Variants in JPH1 observed in about 807,000 individuals in gnomAD.
JPH1 encodes the protein junctophilin-1.
Under a neutral mutation model 53.6 loss-of-function variants are expected in JPH1, and 12 were observed. That is an observed-to-expected ratio of 0.22 (90% CI 0.14 to 0.36). JPH1 has a LOEUF of 0.36. Among genes scored for constraint, JPH1 ranks in the 10% least tolerant of loss-of-function variants. JPH1 has a pLI of 1.00. For missense variants in JPH1, 808 were observed against 905.5 expected, an observed-to-expected ratio of 0.89 and a Z score of 1.38; for synonymous variants, 375 against 363.8, an observed-to-expected ratio of 1.03 and a Z score of -0.35.
intron 2 of JPH1, 128 bp from the exon 3 acceptor site, chr8:74,259,631 AT>A: frequency 1.6e-6 from 1 of 635,488 alleles, no homozygotes; most frequent in Non-Finnish European, 2.6e-6. Flanking sequence ...AAGAGCAAAA[AT>A]TTTAGAGTCC....
chr8:74,300,095 G>A (rs191312661), intron 2 of JPH1, among the ~76,000 whole-genome samples: 1 of 152,250 alleles, frequency 6.6e-6, no homozygotes, highest in Non-Finnish European at 1.5e-5. Flanking sequence ...CGAAGAGTTA[G>A]AATAATTTTT....
chr8:74,263,056 G>A (rs1425141510), intron 2 of JPH1, among the ~76,000 whole-genome samples: 1 of 152,068 alleles, frequency 6.6e-6, no homozygotes, highest in Admixed American at 6.6e-5. Flanking sequence ...AACATATAAG[G>A]CTTTAACAAA....
chr8:74,311,445 T>C (rs1167710591), intron 2 of JPH1, among the ~76,000 whole-genome samples: 1 of 152,206 alleles, frequency 6.6e-6, no homozygotes, highest in Non-Finnish European at 1.5e-5. Flanking sequence ...ATGACAATAA[T>C]GTAGCTAAAA....
In JPH1 at chr8:74,235,486, A is replaced by G. The variant is rs1452788568; in HGVS notation, c.*1565T>C. The stretch of plus-strand genomic sequence containing the variant: ...ACTGTCTCTTCTCCATTGAAAAGGT[A>G]GCTAATATGGTGTAAAAAAAAAAAA... On this transcript the variant is annotated 3_prime_UTR_variant, in exon 6 of 6. Coordinates refer to ENST00000342232, the MANE Select transcript of JPH1 (RefSeq NM_020647.4). 1 of 124,214 alleles carries G rather than the reference A, an allele frequency of 8.1e-6. No homozygotes were observed. The highest frequency in any genetic ancestry group is 1.7e-5 in the Non-Finnish European group (1 of 60,246). 7.7% of individuals were successfully genotyped at this position (124,214 alleles called of 1,614,324 possible).
chr8:74,302,976 A>C (rs988249782), intron 2 of JPH1, among the ~76,000 whole-genome samples: 10 of 140,264 alleles, frequency 7.1e-5, no homozygotes, highest in African/African-American at 2.6e-4. Context: ...AAAAAAAAAA[A>C]CAGTCCAACA....
At chr8:74,258,806 A>G (rs931905202) in intron 3 of JPH1, among the ~76,000 whole-genome samples, 9 of 152,180 alleles carry the variant, frequency 5.9e-5, no homozygotes, top group South Asian at 2.1e-4. Context: ...ATCAGCTCAA[A>G]CTTTGTTGGT....
intron 4 of JPH1, among the ~76,000 whole-genome samples, chr8:74,242,973 T>G (rs1453957904): frequency 6.6e-6 from 1 of 152,226 alleles, no homozygotes. Flanking sequence ...ATTCAACTTT[T>G]TTTTCCCCCT....
intron 4 of JPH1, among the ~76,000 whole-genome samples, chr8:74,239,668 T>C (rs886171129): frequency 2.6e-5 from 4 of 152,190 alleles, no homozygotes; most frequent in African/African-American, 9.7e-5. Context: ...TAAGCATCCC[T>C]TATCTGAAAC....
At chr8:74,259,592 G>A (rs1806334856) in intron 2 of JPH1, 89 bp from the exon 3 acceptor site, 1 of 987,856 alleles carries the variant, frequency 1.0e-6, no homozygotes, top group Non-Finnish European at 1.4e-6. Flanking sequence ...GAAAAGAAAT[G>A]TTAATTATGA....
At chr8:74,287,419 CAA>C (rs5892447) in intron 2 of JPH1, among the ~76,000 whole-genome samples, 1 of 122,328 alleles carries the variant, frequency 8.2e-6, no homozygotes. Context: ...GACTCTGTCT[CAA>C]AAAAAAAAAA....
intron 3 of JPH1, among the ~76,000 whole-genome samples, chr8:74,255,732 G>A (rs963918308): frequency 6.6e-6 from 1 of 152,102 alleles, no homozygotes; most frequent in African/African-American, 2.4e-5. Context: ...GTGGGTGAAG[G>A]ATATGAACAG....
At chr8:74,270,592 G>A (rs1443887769) in intron 2 of JPH1, among the ~76,000 whole-genome samples, 1 of 152,182 alleles carries the variant, frequency 6.6e-6, no homozygotes, top group Non-Finnish European at 1.5e-5. Flanking sequence ...AGTCAGTTTT[G>A]AAGATGAATG....
chr8:74,245,294 C>T, intron 3 of JPH1, 119 bp from the exon 4 acceptor site: 1 of 829,742 alleles, frequency 1.2e-6, no homozygotes, highest in Non-Finnish European at 1.7e-6. Flanking sequence ...TTTGACTAAA[C>T]ACATATTTCA....
intron 4 of JPH1, among the ~76,000 whole-genome samples, chr8:74,237,590 C>T (rs1807038180): frequency 6.6e-6 from 1 of 152,218 alleles, no homozygotes; most frequent in African/African-American, 2.4e-5. Flanking sequence ...ACAGCGTGTG[C>T]TGAGACACAG....
intron 3 of JPH1, among the ~76,000 whole-genome samples, chr8:74,256,232 G>A (rs1806224345): frequency 6.6e-6 from 1 of 152,134 alleles, no homozygotes; most frequent in African/African-American, 2.4e-5. Flanking sequence ...ATGAGTTCAT[G>A]TCCTTTGTAG....
chr8:74,300,849 G>A (rs569934196), intron 2 of JPH1, among the ~76,000 whole-genome samples: 4 of 152,138 alleles, frequency 2.6e-5, no homozygotes, highest in South Asian at 2.1e-4. Context: ...TTCCTCACCC[G>A]TTTCATTGAT....
intron 2 of JPH1, among the ~76,000 whole-genome samples, chr8:74,306,752 A>C (rs1386592524): frequency 6.6e-6 from 1 of 151,680 alleles, no homozygotes; most frequent in African/African-American, 2.4e-5. Context: ...GCCCGCCACG[A>C]TGCCTGGCTA....
intron 4 of JPH1, among the ~76,000 whole-genome samples, chr8:74,241,682 AATTAAGT>A (rs1481760703): frequency 6.6e-6 from 1 of 150,660 alleles, no homozygotes; most frequent in Non-Finnish European, 1.5e-5. Context: ...AACAAAGTTT[AATTAAGT>A]ATTAACAGCA....
chr8:74,253,361 T>C (rs545467478), intron 3 of JPH1, among the ~76,000 whole-genome samples: 2,145 of 151,920 alleles, frequency 0.014, 80 homozygotes, highest in African/African-American at 0.049. Flanking sequence ...AAAGACACAA[T>C]ATACCAGAAT....
Sources: allele counts gnomAD v4.1 joint callset (sites outside exome capture counted in the v4.1 genomes callset), GRCh38; gene constraint gnomAD v4.1.1; transcripts MANE v1.5; gene names NCBI Gene and HGNC (gene_info 2026-07-23, HGNC 2026-07-21).